SORBS2: variants seen among roughly 807,000 people sequenced by gnomAD.
SORBS2 encodes the protein sorbin and SH3 domain containing 2.
SORBS2 carries 46 observed loss-of-function variants against 97.7 expected under a neutral mutation model. That is an observed-to-expected ratio of 0.47 (90% CI 0.37 to 0.60). SORBS2 has a LOEUF of 0.60. Ranked by LOEUF, SORBS2 falls within the 20% of genes least tolerant of loss-of-function variation. The probability of loss-of-function intolerance (pLI) is 0.00; values close to 1 mark genes in which losing one functional copy is unlikely to be tolerated. For missense variants in SORBS2, 1,316 were observed against 1,282.3 expected (o/e 1.03, Z -0.40); for synonymous variants, 476 against 473.4 (o/e 1.01, Z -0.07).
In SORBS2 at chr4:185,751,172, TAAAA is replaced by T. The variant is rs71593649; in HGVS notation, c.-198+24051_-198+24054del. On this transcript the variant is annotated intron_variant, in intron 2 of 20. Coordinates refer to the SORBS2 transcript ENST00000284776. ...AAGGAATGCTCTTAGCTCTAAATAC[TAAAA>T]AAAAAAAAAAAAAAAGAGAAAGAGA... 2.8e-3 allele frequency among the ~76,000 whole-genome samples: 90 copies of T among 31,720 alleles called. 13 individuals are homozygous for T. In the South Asian group the frequency reaches 0.13, roughly 47 times the overall value. 20.8% of individuals were successfully genotyped at this position (31,720 alleles called of 152,430 possible). A position where few individuals can be genotyped will look rare whatever the true frequency, so the allele number is the denominator to read the frequency against.
At chr4:185,832,433 G>C (rs1228541399) in intron 1 of SORBS2, among the ~76,000 whole-genome samples, 1 of 151,998 alleles carries the variant, frequency 6.6e-6, no homozygotes, top group African/African-American at 2.4e-5. Context: ...ATCTATCTTG[G>C]CTGGTTAAAA....
At position 185,763,204 on chromosome 4, in the gene SORBS2, C is replaced by T. The variant is rs144576317; in HGVS notation, c.-198+12023G>A. ...ACTCTCTCAAAAACAAAAACAAAAA[C>T]AAAAACAAAAAGCAGGTACAAGAAG... On this transcript the variant is annotated intron_variant, in intron 2 of 20. Coordinates refer to the SORBS2 transcript ENST00000284776. 3.9e-5 allele frequency among the ~76,000 whole-genome samples: 6 copies of T among 152,092 alleles called. No individual in the cohort carries two copies. In the East Asian group the frequency reaches 1.2e-3, roughly 29 times the overall value.
chr4:185,904,033 T>A (rs1449674970), intron 1 of SORBS2, among the ~76,000 whole-genome samples: 2 of 152,222 alleles, frequency 1.3e-5, no homozygotes, highest in Admixed American at 1.3e-4. Context: ...GCATAATTAT[T>A]ATTATTTTTT....
chr4:185,766,106 GA>G (rs1465919504), intron 2 of SORBS2, among the ~76,000 whole-genome samples: 1 of 152,180 alleles, frequency 6.6e-6, no homozygotes, highest in Admixed American at 6.5e-5. Context: ...CAAACAGAGG[GA>G]AAAACCATTT....
At chr4:185,594,941 T>C (rs766866968) in intron 12 of SORBS2, among the ~76,000 whole-genome samples, 4 of 152,216 alleles carry the variant, frequency 2.6e-5, no homozygotes, top group Non-Finnish European at 5.9e-5. Context: ...ATTAGATCCA[T>C]GTCCTTAGAC....
chr4:185,800,608 G>T (rs1175488504), intron 1 of SORBS2, among the ~76,000 whole-genome samples: 1 of 152,140 alleles, frequency 6.6e-6, no homozygotes, highest in East Asian at 1.9e-4. Flanking sequence ...CTTCTCTGCT[G>T]CTGGTGCCTT....
At chr4:185,804,415 C>T (rs894014150) in intron 1 of SORBS2, among the ~76,000 whole-genome samples, 1 of 152,202 alleles carries the variant, frequency 6.6e-6, no homozygotes, top group Admixed American at 6.5e-5. Context: ...CATGGAAAGA[C>T]TGGACACGTC....
intron 2 of SORBS2, among the ~76,000 whole-genome samples, chr4:185,770,328 T>C (rs2098962801): frequency 6.6e-6 from 1 of 152,232 alleles, no homozygotes; most frequent in South Asian, 2.1e-4. Context: ...AGGAATGCAC[T>C]CCACTCTAGT....
chr4:185,768,630 C>T (rs371328340), intron 2 of SORBS2, among the ~76,000 whole-genome samples: 1 of 144,064 alleles, frequency 6.9e-6, no homozygotes, highest in East Asian at 2.0e-4. Context: ...ACCTGGGAGG[C>T]GGAGGTTGCA....
intron 1 of SORBS2, among the ~76,000 whole-genome samples, chr4:185,920,860 G>T (rs777001820): frequency 1.3e-5 from 2 of 152,160 alleles, no homozygotes; most frequent in Non-Finnish European, 2.9e-5. Flanking sequence ...GGTAACAAAA[G>T]TCATCTGTAC....
chr4:185,930,794 AAAG>A (rs1243233570), intron 1 of SORBS2, among the ~76,000 whole-genome samples: 1 of 152,234 alleles, frequency 6.6e-6, no homozygotes, highest in African/African-American at 2.4e-5. Context: ...TATAAAATAA[AAAG>A]AAGCAGAATT....
chr4:185,772,983 T>G (rs1301833043), intron 2 of SORBS2: 2 of 152,060 alleles, frequency 1.3e-5, no homozygotes, highest in Non-Finnish European at 2.9e-5. Flanking sequence ...TTGGCTAGCT[T>G]TCACCTGAAG....
At chr4:185,916,054 G>A (rs1037104706) in intron 1 of SORBS2, among the ~76,000 whole-genome samples, 8 of 152,134 alleles carry the variant, frequency 5.3e-5, no homozygotes, top group Non-Finnish European at 8.8e-5. Context: ...GGATAAGTAA[G>A]GAGAAGCGAG....
intron 1 of SORBS2, among the ~76,000 whole-genome samples, chr4:185,949,397 T>C (rs2099276094): frequency 6.6e-6 from 1 of 152,206 alleles, no homozygotes; most frequent in Non-Finnish European, 1.5e-5. Context: ...CTGACATTCA[T>C]TATCCTATTT....
intron 9 of SORBS2, 25 bp from the exon 22 acceptor site, chr4:185,615,184 C>A (rs2096608822): frequency 7.3e-7 from 1 of 1,364,602 alleles, no homozygotes; most frequent in African/African-American, 1.4e-5. Context: ...TTGACATGGT[C>A]TTTTTGTGAT....
intron 2 of SORBS2, among the ~76,000 whole-genome samples, chr4:185,724,102 G>A (rs527992219): frequency 2.6e-5 from 4 of 152,124 alleles, no homozygotes; most frequent in Admixed American, 6.5e-5. Context: ...TTAGCCTTTC[G>A]TTGTTTCAAC....
Position 185,792,480 on chromosome 4 carries a change from T to A in SORBS2, c.-337-17114A>T, listed in dbSNP as rs149589525. ...CTGCACTCCGACCTGGGCGACAGGG[T>A]GCGACTCCATCGAAAAGAAAAGAAA... On this transcript the variant is annotated intron_variant, in intron 1 of 20. Coordinates refer to the SORBS2 transcript ENST00000284776. Among the ~76,000 whole-genome samples, 470 of 146,274 alleles carry A rather than the reference T, an allele frequency of 3.2e-3. 1 individual carries two copies. The highest frequency in any genetic ancestry group is 0.011 in the African/African-American group (446 of 39,222).
At chr4:185,852,171 T>A (rs1451603928) in intron 1 of SORBS2, among the ~76,000 whole-genome samples, 1 of 152,100 alleles carries the variant, frequency 6.6e-6, no homozygotes, top group Admixed American at 6.5e-5. Flanking sequence ...CCTGTAAACA[T>A]CCCCAGGGCA....
At chr4:185,848,475 A>C (rs2099215814) in intron 1 of SORBS2, among the ~76,000 whole-genome samples, 1 of 152,204 alleles carries the variant, frequency 6.6e-6, no homozygotes. Context: ...ACTTGAATGC[A>C]AATAAAAATT....
Sources: allele counts gnomAD v4.1 joint callset (sites outside exome capture counted in the v4.1 genomes callset), GRCh38; gene constraint gnomAD v4.1.1; transcripts MANE v1.5; gene names NCBI Gene and HGNC (gene_info 2026-07-23, HGNC 2026-07-21).